WWTR1: variants seen among roughly 807,000 people sequenced by gnomAD.
The protein encoded by WWTR1 is WW domain-containing transcription regulator protein 1.
WWTR1 carries 13 observed loss-of-function variants against 40.1 expected under a neutral mutation model. That is an observed-to-expected ratio of 0.32 (90% CI 0.21 to 0.52). The LOEUF (loss-of-function observed/expected upper bound fraction) is 0.52. Ranked by LOEUF, WWTR1 falls within the 20% of genes least tolerant of loss-of-function variation. The pLI is 0.97. For synonymous variants in WWTR1, 230 were observed against 210.1 expected (o/e 1.09, Z -0.82); for missense variants, 436 against 523.1 (o/e 0.83, Z 1.63).
intron 6 of WWTR1, among the ~76,000 whole-genome samples, chr3:149,523,676 T>C (rs966923192): frequency 2.0e-5 from 3 of 152,234 alleles, no homozygotes; most frequent in Admixed American, 6.5e-5. Flanking sequence ...CTGCCATGTA[T>C]GTTTTGCAAA....
chr3:149,553,162 C>T (rs1736682976), intron 3 of WWTR1, among the ~76,000 whole-genome samples: 1 of 152,108 alleles, frequency 6.6e-6, no homozygotes, highest in African/African-American at 2.4e-5. Context: ...TGCCTCAGCC[C>T]AGATCTCAGG....
At chr3:149,687,249 T>G (rs530022083) in intron 1 of WWTR1, among the ~76,000 whole-genome samples, 2 of 152,352 alleles carry the variant, frequency 1.3e-5, no homozygotes, top group African/African-American at 4.8e-5. Context: ...ATCTGTAAGA[T>G]AGCTGCATCA....
At chr3:149,639,993 CAAAAAAAAAA>C (rs1215330406) in intron 2 of WWTR1, among the ~76,000 whole-genome samples, 1 of 76,314 alleles carries the variant, frequency 1.3e-5, no homozygotes, top group Admixed American at 1.9e-4. Context: ...GACTCCGTCT[CAAAAAAAAAA>C]AAAAAAAAAA....
intron 3 of WWTR1, among the ~76,000 whole-genome samples, chr3:149,550,251 A>T (rs1054506424): frequency 1.3e-5 from 2 of 152,228 alleles, no homozygotes; most frequent in African/African-American, 4.8e-5. Context: ...GTCCCAGGGG[A>T]ATAAATAGAT....
At chr3:149,670,731 G>A (rs1714048058) in intron 1 of WWTR1, 1 of 151,668 alleles carries the variant, frequency 6.6e-6, no homozygotes, top group Admixed American at 6.6e-5. Context: ...GACAGAAACA[G>A]ATAAAAAAAA....
chr3:149,542,254 C>A lies in WWTR1; in HGVS notation c.771+81G>T, dbSNP rs988817080. ...GTCTCTTCTTCTCTAGAAGAATTAC[C>A]CTGAAGGTAAGCAGCTACCTACCCA... On this transcript the variant is annotated intron_variant, in intron 4 of 6. Transcript: ENST00000360632. 109 of 1,483,232 alleles carry A rather than the reference C, an allele frequency of 7.3e-5. No individual in the cohort carries two copies. In the African/African-American group the frequency reaches 1.4e-3, roughly 19 times the overall value. The allele number at this position is 1,483,232 out of a possible 1,614,324, so 91.9% of individuals were successfully genotyped here. A position where few individuals can be genotyped will look rare whatever the true frequency, so the allele number is the denominator to read the frequency against.
intron 2 of WWTR1, among the ~76,000 whole-genome samples, chr3:149,595,626 T>C (rs780222607): frequency 5.9e-5 from 9 of 152,192 alleles, no homozygotes; most frequent in Non-Finnish European, 1.2e-4. Context: ...TTTTATTACA[T>C]AAAATGTGAT....
chr3:149,625,972 G>A (rs944998482), intron 2 of WWTR1, among the ~76,000 whole-genome samples: 2 of 152,094 alleles, frequency 1.3e-5, no homozygotes, highest in African/African-American at 4.8e-5. Context: ...CTTCCTAGAC[G>A]TCTGACACCC....
At chr3:149,715,256 A>C (rs1233379121) in intron 5 of WWTR1, among the ~76,000 whole-genome samples, 1 of 152,196 alleles carries the variant, frequency 6.6e-6, no homozygotes, top group Non-Finnish European at 1.5e-5. Flanking sequence ...CAGGGAGCCC[A>C]GACCTGGGAG....
At chr3:149,712,618 T>G (rs1331731137) in intron 5 of WWTR1, among the ~76,000 whole-genome samples, 2 of 152,250 alleles carry the variant, frequency 1.3e-5, no homozygotes, top group Non-Finnish European at 2.9e-5. Context: ...GTAACCCATC[T>G]GCTTATTATT....
At chr3:149,646,111 T>C (rs1373451281) in intron 2 of WWTR1, among the ~76,000 whole-genome samples, 4 of 152,326 alleles carry the variant, frequency 2.6e-5, no homozygotes, top group Non-Finnish European at 5.9e-5. Context: ...TATGATTAAT[T>C]GGTTGATGCA....
chr3:149,622,903 T>C (rs1740380534), intron 2 of WWTR1, among the ~76,000 whole-genome samples: 1 of 151,248 alleles, frequency 6.6e-6, no homozygotes, highest in Admixed American at 6.6e-5. Flanking sequence ...ATAATAATAA[T>C]AATGTGCTCG....
intron 1 of WWTR1, among the ~76,000 whole-genome samples, chr3:149,675,885 T>C (rs1210536351): frequency 6.6e-6 from 1 of 152,038 alleles, no homozygotes; most frequent in Non-Finnish European, 1.5e-5. Context: ...GCCCAGCTAA[T>C]TTTTTGTGTT....
chr3:149,611,401 C>T (rs1033543909), intron 2 of WWTR1, among the ~76,000 whole-genome samples: 1 of 152,166 alleles, frequency 6.6e-6, no homozygotes, highest in African/African-American at 2.4e-5. Flanking sequence ...TTTCACATTA[C>T]AATGGCACAG....
intron 2 of WWTR1, among the ~76,000 whole-genome samples, chr3:149,616,568 G>T (rs993007804): frequency 6.6e-6 from 1 of 151,552 alleles, no homozygotes; most frequent in African/African-American, 2.4e-5. Flanking sequence ...TCAGCCTCCT[G>T]AGTAGCTGGG....
chr3:149,534,769 G>C (rs1735746316), intron 4 of WWTR1, among the ~76,000 whole-genome samples: 1 of 152,216 alleles, frequency 6.6e-6, no homozygotes, highest in Admixed American at 6.5e-5. Context: ...CTCTTGGTGA[G>C]TTTGTGGTCA....
Position 149,657,131 on chromosome 3 carries a change from C to T in WWTR1, c.176G>A (p.Gly59Asp). The T allele has an allele frequency of 3.8e-6, 6 of 1,594,088 alleles. No homozygotes were observed. Among genetic ancestry groups the T allele is most frequent in the Non-Finnish European group, 4.3e-6 (5 of 1,172,354 alleles). Residue 59 changes from glycine to aspartate, a missense_variant, in exon 2 of 7, where the codon GGC becomes GAC. Physicochemically the swap from Gly to Asp is moderately conservative, Grantham distance 94. Transcript: ENST00000360632. Reference sequence around the variant, plus strand: ...GGTGCTGGACTGGCGCGAGTGCGAGCCCGAATCAGGCTCCTTAAAGAAAGA... The same window carrying T: ...GGTGCTGGACTGGCGCGAGTGCGAGTCCGAATCAGGCTCCTTAAAGAAAGA... ...PESFFKEPDSGSHSRQSSTDS... is the reference protein window; with the variant it reads ...PESFFKEPDSDSHSRQSSTDS...
chr3:149,524,597 G>A (rs1345712363), intron 6 of WWTR1, among the ~76,000 whole-genome samples: 1 of 152,150 alleles, frequency 6.6e-6, no homozygotes, highest in East Asian at 1.9e-4. Flanking sequence ...AAAACAATCA[G>A]TGCAAACTAT....
At chr3:149,524,326 G>A (rs1279140072) in intron 6 of WWTR1, among the ~76,000 whole-genome samples, 1 of 30,862 alleles carries the variant, frequency 3.2e-5, no homozygotes, top group African/African-American at 1.2e-4. Context: ...CCTCTTTTAT[G>A]GTTTTTTTTT....
Sources: gnomAD v4.1 joint callset for allele counts (sites outside exome capture counted in the v4.1 genomes callset) on GRCh38, gnomAD v4.1.1 for gene constraint, MANE v1.5 for transcripts, NCBI Gene and HGNC (gene_info 2026-07-23, HGNC 2026-07-21) for gene names.